Variants in CYP7B1 observed in about 807,000 individuals in gnomAD.
The protein encoded by CYP7B1 is cytochrome P450 7B1.
Under a neutral mutation model 42.7 loss-of-function variants are expected in CYP7B1, and 29 were observed. The observed-to-expected ratio is 0.68, with a 90% CI of 0.51 to 0.93. CYP7B1 has a LOEUF of 0.93. Among genes scored for constraint, CYP7B1 ranks in the 40% least tolerant of loss-of-function variants. The pLI, the probability that CYP7B1 is intolerant of heterozygous loss-of-function variation, is 0.00. For missense variants in CYP7B1, 655 were observed against 600.5 expected (o/e 1.09, Z -0.95); for synonymous variants, 235 against 218.2 (o/e 1.08, Z -0.68).
chr8:64,795,408 A>T (rs1193525470), intron 1 of CYP7B1, among the ~76,000 whole-genome samples: 5 of 152,126 alleles, frequency 3.3e-5, no homozygotes, highest in African/African-American at 7.2e-5. Flanking sequence ...TCATCAGGCG[A>T]TCTCAACTTG....
At chr8:64,713,966 G>C (rs1019150659) in intron 1 of CYP7B1, among the ~76,000 whole-genome samples, 1 of 152,158 alleles carries the variant, frequency 6.6e-6, no homozygotes, top group Non-Finnish European at 1.5e-5. Context: ...TGCTTTGCAG[G>C]TAGTAACTCA....
rs557019810 is a variant in CYP7B1 at position 64,613,882 on chromosome 8, A to C, written c.1057+1144T>G. 2.6e-5 allele frequency among the ~76,000 whole-genome samples: 4 copies of C among 152,242 alleles called. No individual in the cohort carries two copies. In the South Asian group the frequency reaches 8.3e-4, roughly 32 times the overall value. ...TTTCCTCAATGGCCACTGAGGGTGA[A>C]CATTGACCAAACCTGGGAGGACTTT... is the stretch of plus-strand genomic sequence containing the variant. On this transcript the variant is annotated intron_variant, in intron 4 of 5. Transcript: ENST00000310193.
intron 1 of CYP7B1, among the ~76,000 whole-genome samples, chr8:64,647,433 C>G (rs1326108049): frequency 6.6e-6 from 1 of 152,080 alleles, no homozygotes; most frequent in Non-Finnish European, 1.5e-5. Context: ...CTGCCACAAA[C>G]CTTCAATGTA....
At chr8:64,674,415 G>A (rs1238714531) in intron 1 of CYP7B1, among the ~76,000 whole-genome samples, 1 of 152,066 alleles carries the variant, frequency 6.6e-6, no homozygotes, top group African/African-American at 2.4e-5. Context: ...CCATACCCTT[G>A]ACCTTGTTGG....
intron 1 of CYP7B1, among the ~76,000 whole-genome samples, chr8:64,674,416 A>C (rs777969548): frequency 1.2e-4 from 18 of 152,052 alleles, no homozygotes; most frequent in Non-Finnish European, 2.2e-4. Flanking sequence ...CATACCCTTG[A>C]CCTTGTTGGA....
chr8:64,590,676 A>G (rs922072007), downstream of CYP7B1, among the ~76,000 whole-genome samples: 10 of 152,216 alleles, frequency 6.6e-5, no homozygotes, highest in African/African-American at 2.2e-4. Context: ...GAAATAGTTA[A>G]TATACTTTCA....
At chr8:64,641,652 G>T (rs1045406814) in intron 1 of CYP7B1, among the ~76,000 whole-genome samples, 2 of 152,168 alleles carry the variant, frequency 1.3e-5, no homozygotes, top group African/African-American at 2.4e-5. Flanking sequence ...CACTGTGGTA[G>T]ATTGTAGTGG....
At chr8:64,601,188 C>T (rs1218332542) in intron 5 of CYP7B1, among the ~76,000 whole-genome samples, 2 of 152,066 alleles carry the variant, frequency 1.3e-5, no homozygotes, top group Non-Finnish European at 2.9e-5. Flanking sequence ...ATTTATTAAT[C>T]ATTTTATTAT....
At chr8:64,624,999 A>G (rs1805589063) in intron 1 of CYP7B1, among the ~76,000 whole-genome samples, 1 of 92,626 alleles carries the variant, frequency 1.1e-5, no homozygotes, top group Non-Finnish European at 1.8e-5. Context: ...TTTGAGACGG[A>G]GTCTCGCTCT....
At chr8:64,587,521 C>T (rs1458099821), downstream of CYP7B1, among the ~76,000 whole-genome samples, 1 of 152,222 alleles carries the variant, frequency 6.6e-6, no homozygotes, top group Non-Finnish European at 1.5e-5. Flanking sequence ...CCCGCAGCCG[C>T]ACCAAACCCG....
intron 4 of CYP7B1, among the ~76,000 whole-genome samples, chr8:64,606,086 A>G (rs1400414447): frequency 1.3e-5 from 2 of 152,230 alleles, no homozygotes; most frequent in Admixed American, 1.3e-4. Flanking sequence ...GCATTTGTCT[A>G]AAGAAATGAG....
intron 1 of CYP7B1, among the ~76,000 whole-genome samples, chr8:64,763,771 T>A (rs551377746): frequency 6.6e-6 from 1 of 152,320 alleles, no homozygotes; most frequent in African/African-American, 2.4e-5. Context: ...ACTCCCAGCA[T>A]TAGCCAGCTG....
intron 1 of CYP7B1, among the ~76,000 whole-genome samples, chr8:64,753,110 T>C (rs1807754552): frequency 6.6e-6 from 1 of 152,250 alleles, no homozygotes; most frequent in African/African-American, 2.4e-5. Context: ...AGAAGACTTT[T>C]ATTTATAAAG....
chr8:64,724,575 A>G (rs1229590911), intron 1 of CYP7B1, among the ~76,000 whole-genome samples: 2 of 152,230 alleles, frequency 1.3e-5, no homozygotes, highest in Non-Finnish European at 2.9e-5. Flanking sequence ...TTTCACAAAT[A>G]AAGAAGAGAT....
chr8:64,791,003 T>G (rs370623785), intron 1 of CYP7B1, among the ~76,000 whole-genome samples: 14 of 152,186 alleles, frequency 9.2e-5, no homozygotes, highest in African/African-American at 3.1e-4. Flanking sequence ...AAAGCAGAGT[T>G]CAGGGTTAAG....
In CYP7B1 at chr8:64,616,074, C is replaced by G. The variant is rs1385045254; in HGVS notation, c.467G>C (p.Ser156Thr). 1 of 1,613,714 alleles carries G rather than the reference C, an allele frequency of 6.2e-7. No individual in the cohort carries two copies. The change falls in exon 3 of 6, where the codon AGC becomes ACC. Residue 156 changes from serine to threonine, a missense_variant. Physicochemically the swap from Ser to Thr is moderately conservative, Grantham distance 58 (BLOSUM62 1). Coordinates refer to ENST00000310193, the MANE Select transcript of CYP7B1 (RefSeq NM_004820.5). Reference protein sequence around the residue: ...QGKSLDILLESMMQNLKQVFE... With the variant: ...QGKSLDILLETMMQNLKQVFE... ...AACTTGTTTTAGATTCTGCATCATGCTTTCCAAGAGTATGTCCAAAGATTT... is the reference window on the plus strand; with the variant it reads ...AACTTGTTTTAGATTCTGCATCATGGTTTCCAAGAGTATGTCCAAAGATTT...
chr8:64,628,524 T>C (rs969718437), intron 1 of CYP7B1, among the ~76,000 whole-genome samples: 1 of 152,078 alleles, frequency 6.6e-6, no homozygotes, highest in African/African-American at 2.4e-5. Flanking sequence ...AAAGCTTGCC[T>C]GTAATCCCAG....
At chr8:64,740,212 A>G (rs922544121) in intron 1 of CYP7B1, among the ~76,000 whole-genome samples, 2 of 152,114 alleles carry the variant, frequency 1.3e-5, no homozygotes, top group African/African-American at 2.4e-5. Flanking sequence ...GAGATTATAC[A>G]AAGTGTTTTC....
At chr8:64,680,083 A>C (rs1391518028) in intron 1 of CYP7B1, among the ~76,000 whole-genome samples, 2 of 152,012 alleles carry the variant, frequency 1.3e-5, no homozygotes, top group Non-Finnish European at 2.9e-5. Context: ...CCATTCCCTG[A>C]AAACAACCAT....
Sources: allele counts gnomAD v4.1 joint callset (sites outside exome capture counted in the v4.1 genomes callset), GRCh38; gene constraint gnomAD v4.1.1; transcripts MANE v1.5; gene names NCBI Gene and HGNC (gene_info 2026-07-23, HGNC 2026-07-21).